Variants in RPS6KC1 observed in about 807,000 individuals in gnomAD.
The protein encoded by RPS6KC1 is ribosomal protein S6 kinase C1.
RPS6KC1 carries 54 observed loss-of-function variants against 103.8 expected under a neutral mutation model. The ratio of observed to expected loss-of-function variants is 0.52; its 90% CI spans 0.42 to 0.65. The LOEUF is 0.65. RPS6KC1 is among the 30% of genes least tolerant of loss of function. The pLI, the probability that RPS6KC1 is intolerant of heterozygous loss-of-function variation, is 0.00. For missense variants in RPS6KC1, 1,151 were observed against 1,253.8 expected, an observed-to-expected ratio of 0.92 and a Z score of 1.24; for synonymous variants, 439 against 438.7, an observed-to-expected ratio of 1.00 and a Z score of -0.01.
chr1:213,244,164 G>T (rs1448453933), intron 12 of RPS6KC1, among the ~76,000 whole-genome samples: 1 of 150,784 alleles, frequency 6.6e-6, no homozygotes, highest in African/African-American at 2.4e-5. Context: ...ATAAAAAATT[G>T]CATGTTGAAT....
chr1:213,132,258 C>T (rs2085726109), intron 6 of RPS6KC1, among the ~76,000 whole-genome samples: 1 of 152,186 alleles, frequency 6.6e-6, no homozygotes, highest in South Asian at 2.1e-4. Context: ...ATATCCATTC[C>T]TGCTCTGGAT....
the RPS6KC1 span, among the ~76,000 whole-genome samples, chr1:213,441,530 T>C: frequency 6.6e-6 from 1 of 152,266 alleles, no homozygotes; most frequent in African/African-American, 2.4e-5. Context: ...TTCCTTCTTT[T>C]TAAAGACTGA....
At chr1:213,419,689 T>C in the RPS6KC1 span, among the ~76,000 whole-genome samples, 1 of 152,146 alleles carries the variant, frequency 6.6e-6, no homozygotes. Context: ...CAAATAGAAC[T>C]GAAGAATGAA....
At chr1:213,269,169 C>A (rs1165063169) in intron 14 of RPS6KC1, among the ~76,000 whole-genome samples, 2 of 152,032 alleles carry the variant, frequency 1.3e-5, no homozygotes, top group African/African-American at 4.8e-5. Flanking sequence ...GCTGGAGTGG[C>A]AATATTAAAT....
the RPS6KC1 span, among the ~76,000 whole-genome samples, chr1:213,418,351 G>A: frequency 6.6e-6 from 1 of 152,220 alleles, no homozygotes; most frequent in South Asian, 2.1e-4. Flanking sequence ...ATGGTGACTT[G>A]ATCCACTGAG....
At chr1:213,672,149 T>C in the RPS6KC1 span, among the ~76,000 whole-genome samples, 1 of 152,148 alleles carries the variant, frequency 6.6e-6, no homozygotes, top group Non-Finnish European at 1.5e-5. Flanking sequence ...CTTGTCCCAC[T>C]GGTTGTATTC....
the RPS6KC1 span, among the ~76,000 whole-genome samples, chr1:213,781,744 G>A: frequency 6.6e-6 from 1 of 152,154 alleles, no homozygotes; most frequent in African/African-American, 2.4e-5. Context: ...AAGACAGGCA[G>A]ATGATTTGGT....
the RPS6KC1 span, among the ~76,000 whole-genome samples, chr1:213,647,982 G>A: frequency 1.3e-5 from 2 of 152,084 alleles, no homozygotes. Context: ...CTCATTCCCT[G>A]CTCCACACTG....
chr1:213,185,001 T>C (rs1215554520), intron 8 of RPS6KC1, among the ~76,000 whole-genome samples: 4 of 152,212 alleles, frequency 2.6e-5, no homozygotes, highest in Non-Finnish European at 5.9e-5. Context: ...AGTAGGCCTA[T>C]TAGATTTAGT....
chr1:213,714,998 C>A, the RPS6KC1 span, among the ~76,000 whole-genome samples: 1 of 152,082 alleles, frequency 6.6e-6, no homozygotes, highest in Non-Finnish European at 1.5e-5. Flanking sequence ...TCAGCAGGTG[C>A]AGGAAGTACA....
chr1:213,750,258 A>C, the RPS6KC1 span, among the ~76,000 whole-genome samples: 5 of 152,192 alleles, frequency 3.3e-5, no homozygotes, highest in Admixed American at 3.3e-4. Flanking sequence ...CAATGCTTTA[A>C]ACTTTCACAT....
chr1:213,221,311 T>C (rs924575806), intron 8 of RPS6KC1, among the ~76,000 whole-genome samples: 18 of 152,320 alleles, frequency 1.2e-4, no homozygotes, highest in African/African-American at 3.8e-4. Context: ...ACTTTTTCCA[T>C]AGGCGAACTG....
chr1:213,362,389 A>G, the RPS6KC1 span, among the ~76,000 whole-genome samples: 1 of 152,326 alleles, frequency 6.6e-6, no homozygotes, highest in East Asian at 1.9e-4. Flanking sequence ...GCTAGGCAAC[A>G]TTCTAAGTGC....
Position 213,214,740 on chromosome 1 carries a change from T to C in RPS6KC1, c.1045-15757T>C, listed in dbSNP as rs578208044. On this transcript the variant is annotated intron_variant, in intron 8 of 14. Coordinates refer to ENST00000366960, the MANE Select transcript of RPS6KC1 (RefSeq NM_012424.6). The stretch of plus-strand genomic sequence containing the variant: ...TAGCAATATTCGCTGTTCTGCAGCC[T>C]CCACTGCCGATACCCAGGCAAACAG... 2.0e-5 allele frequency among the ~76,000 whole-genome samples: 3 copies of C among 152,216 alleles called. No individual in the cohort carries two copies. In the East Asian group the frequency reaches 5.8e-4, roughly 29 times the overall value.
chr1:213,180,623 A>G (rs1266186860), intron 8 of RPS6KC1, among the ~76,000 whole-genome samples: 6 of 152,160 alleles, frequency 3.9e-5, no homozygotes, highest in South Asian at 4.1e-4. Flanking sequence ...GTTTATTTAC[A>G]TAGTCTTTGT....
chr1:213,543,481 G>A, the RPS6KC1 span, among the ~76,000 whole-genome samples: 1 of 152,198 alleles, frequency 6.6e-6, no homozygotes, highest in Non-Finnish European at 1.5e-5. Flanking sequence ...CTTAGGTTGG[G>A]ATTTGAACAG....
At chr1:213,319,838 T>C in the RPS6KC1 span, among the ~76,000 whole-genome samples, 1 of 152,248 alleles carries the variant, frequency 6.6e-6, no homozygotes, top group African/African-American at 2.4e-5. Flanking sequence ...ATTCTCCTGA[T>C]TGTTATTGTA....
intron 12 of RPS6KC1, among the ~76,000 whole-genome samples, chr1:213,256,550 C>T (rs1288449413): frequency 2.0e-5 from 3 of 150,804 alleles, no homozygotes; most frequent in South Asian, 2.1e-4. Flanking sequence ...AAAAAAAAGT[C>T]GCAAAAAAAA....
At chr1:213,733,013 T>C in the RPS6KC1 span, among the ~76,000 whole-genome samples, 3 of 152,218 alleles carry the variant, frequency 2.0e-5, no homozygotes, top group African/African-American at 7.2e-5. Context: ...CTATTGTGTG[T>C]ATACACCATA....
Sources: allele counts gnomAD v4.1 joint callset (sites outside exome capture counted in the v4.1 genomes callset), GRCh38; gene constraint gnomAD v4.1.1; transcripts MANE v1.5; gene names NCBI Gene and HGNC (gene_info 2026-07-23, HGNC 2026-07-21).